GRID2: variants seen among roughly 807,000 people sequenced by gnomAD.
The protein encoded by GRID2 is glutamate ionotropic receptor delta type subunit 2, also known as glutamate receptor ionotropic, delta-2.
In GRID2, 33 loss-of-function variants were observed where a neutral mutation model predicts 114.8. The ratio of observed to expected loss-of-function variants is 0.29; its 90% CI spans 0.22 to 0.38. The LOEUF is 0.38. GRID2 is among the 10% of genes least tolerant of loss of function. GRID2 has a pLI of 1.00. For missense variants in GRID2, 1,184 were observed against 1,257.7 expected (o/e 0.94, Z 0.89); for synonymous variants, 505 against 449.9 (o/e 1.12, Z -1.55).
At chr4:92,427,393 A>T (rs2110334506) in intron 1 of GRID2, among the ~76,000 whole-genome samples, 1 of 152,334 alleles carries the variant, frequency 6.6e-6, no homozygotes, top group East Asian at 1.9e-4. Context: ...TAGCATACAA[A>T]CATAGGTTTG....
intron 13 of GRID2, among the ~76,000 whole-genome samples, chr4:93,575,083 C>T (rs1261439380): frequency 1.3e-5 from 2 of 152,118 alleles, no homozygotes; most frequent in African/African-American, 4.8e-5. Context: ...GAGCCTATTC[C>T]AAGAGAAACT....
At chr4:92,918,748 T>C (rs1174596450) in intron 2 of GRID2, among the ~76,000 whole-genome samples, 3 of 152,154 alleles carry the variant, frequency 2.0e-5, no homozygotes, top group Non-Finnish European at 4.4e-5. Flanking sequence ...CTGGATTTGG[T>C]TTGCCAGTAT....
chr4:93,348,941 G>A (rs79645531), intron 8 of GRID2, among the ~76,000 whole-genome samples: 6,812 of 152,250 alleles, frequency 0.045, 175 homozygotes, highest in South Asian at 0.068. Context: ...GACCCAGGCA[G>A]GGCCTGCCTT....
At chr4:92,825,737 G>T (rs557072999) in intron 2 of GRID2, among the ~76,000 whole-genome samples, 2 of 152,230 alleles carry the variant, frequency 1.3e-5, no homozygotes, top group South Asian at 4.1e-4. Context: ...AGCATGTAAT[G>T]CAAGGAGCCA....
At chr4:92,841,387 C>T (rs888579301) in intron 2 of GRID2, among the ~76,000 whole-genome samples, 4 of 152,014 alleles carry the variant, frequency 2.6e-5, no homozygotes, top group African/African-American at 7.2e-5. Context: ...TATAATTTTA[C>T]ATATGCAGAA....
chr4:92,694,137 AAGCT>A (rs1273406393), intron 2 of GRID2, among the ~76,000 whole-genome samples: 4 of 152,206 alleles, frequency 2.6e-5, no homozygotes, highest in African/African-American at 9.6e-5. Flanking sequence ...AAGCTGGACA[AAGCT>A]AGACTGAAGA....
chr4:93,778,393 C>CTTTT (rs36000401), downstream of GRID2, among the ~76,000 whole-genome samples: 328 of 98,580 alleles, frequency 3.3e-3, 4 homozygotes, highest in East Asian at 0.018. Flanking sequence ...TCTCATTTGG[C>CTTTT]TTTTTTTTTT....
At chr4:93,284,930 G>A (rs1752992242) in intron 8 of GRID2, among the ~76,000 whole-genome samples, 1 of 152,000 alleles carries the variant, frequency 6.6e-6, no homozygotes. Flanking sequence ...GAGTGAATGA[G>A]TGAGTGGGTA....
intron 14 of GRID2, among the ~76,000 whole-genome samples, chr4:93,657,797 T>A (rs1019806800): frequency 2.0e-5 from 3 of 152,194 alleles, no homozygotes; most frequent in African/African-American, 7.2e-5. Flanking sequence ...GGGGACTGTC[T>A]CCAAGCTACA....
rs145718151 is a variant in GRID2 at position 93,117,026 on chromosome 4, T to C, written c.735+6073T>C. On this transcript the variant is annotated intron_variant, in intron 4 of 15. Coordinates refer to ENST00000282020, the MANE Select transcript of GRID2 (RefSeq NM_001510.4). ...TGACAAGCATCCACAATCATTGTTATTATATTCACTTATGAAAATGTATTC... is the reference window on the plus strand; with the variant it reads ...TGACAAGCATCCACAATCATTGTTACTATATTCACTTATGAAAATGTATTC... Among the ~76,000 whole-genome samples, 344 of 152,296 alleles carry C rather than the reference T, an allele frequency of 2.3e-3. 1 individual carries two copies. The highest frequency in any genetic ancestry group is 7.8e-3 in the African/African-American group (326 of 41,572).
chr4:92,636,434 T>C (rs1469486656), intron 2 of GRID2, among the ~76,000 whole-genome samples: 1 of 152,108 alleles, frequency 6.6e-6, no homozygotes, highest in Non-Finnish European at 1.5e-5. Flanking sequence ...ATATGCTTTT[T>C]GTTAAGAATC....
At chr4:92,726,013 G>A (rs1736052388) in intron 2 of GRID2, among the ~76,000 whole-genome samples, 1 of 152,010 alleles carries the variant, frequency 6.6e-6, no homozygotes, top group Non-Finnish European at 1.5e-5. Flanking sequence ...CATAAATTGT[G>A]CTTTATATTA....
intron 14 of GRID2, among the ~76,000 whole-genome samples, chr4:93,712,477 A>G (rs1027194927): frequency 1.3e-5 from 2 of 152,284 alleles, no homozygotes; most frequent in Non-Finnish European, 2.9e-5. Context: ...TATGTGCTAT[A>G]ATGTTTTATA....
At chr4:93,400,387 C>A (rs759452464) in intron 9 of GRID2, among the ~76,000 whole-genome samples, 1 of 152,060 alleles carries the variant, frequency 6.6e-6, no homozygotes, top group Non-Finnish European at 1.5e-5. Context: ...CTCTTTGTTT[C>A]CATAATTTGC....
intron 1 of GRID2, among the ~76,000 whole-genome samples, chr4:92,374,274 C>G (rs532026892): frequency 6.6e-6 from 1 of 152,130 alleles, no homozygotes; most frequent in Non-Finnish European, 1.5e-5. Context: ...GAACTTGGGT[C>G]TCCATAATCC....
At chr4:93,245,742 A>G (rs974283) in intron 8 of GRID2, among the ~76,000 whole-genome samples, 108,307 of 152,098 alleles carry the variant, frequency 0.71, 39,395 homozygotes, top group Middle Eastern at 0.86. Context: ...TTCAAGTTCT[A>G]TAATATGTGA....
At chr4:93,360,261 C>G (rs1336315051) in intron 8 of GRID2, among the ~76,000 whole-genome samples, 2 of 151,664 alleles carry the variant, frequency 1.3e-5, no homozygotes, top group Non-Finnish European at 2.9e-5. Flanking sequence ...CTAATGTATT[C>G]ATTTCTTCCT....
chr4:92,794,905 T>TATATATATATATATATATATAC (rs745392261), intron 2 of GRID2, among the ~76,000 whole-genome samples: 15 of 127,792 alleles, frequency 1.2e-4, no homozygotes, highest in African/African-American at 4.0e-4. Context: ...TATATATATA[T>TATATATATATATATATATATAC]ACACACACAC....
chr4:92,989,276 CAAAAAAAAAAA>C (rs1182397768), intron 2 of GRID2, among the ~76,000 whole-genome samples: 1 of 74,324 alleles, frequency 1.3e-5, no homozygotes, highest in African/African-American at 4.9e-5. Flanking sequence ...GACTCCATCT[CAAAAAAAAAAA>C]AAAAAAAAAA....
Sources: gnomAD v4.1 joint callset for allele counts (sites outside exome capture counted in the v4.1 genomes callset) on GRCh38, gnomAD v4.1.1 for gene constraint, MANE v1.5 for transcripts, NCBI Gene and HGNC (gene_info 2026-07-23, HGNC 2026-07-21) for gene names.